ARHGEF33: variants seen among roughly 807,000 people sequenced by gnomAD.
The protein encoded by ARHGEF33 is Rho guanine nucleotide exchange factor 33, also known as DH and coiled-coil domain-containing protein ENSP00000381780.
A neutral mutation model predicts 101.9 loss-of-function variants in ARHGEF33; 72 were observed. That is an observed-to-expected ratio of 0.71 (90% CI 0.58 to 0.86). The LOEUF is 0.86. Among genes scored for constraint, ARHGEF33 ranks in the 40% least tolerant of loss-of-function variants. ARHGEF33 has a pLI of 0.00. For missense variants in ARHGEF33, 1,169 were observed against 1,111.3 expected (o/e 1.05, Z -0.74); for synonymous variants, 499 against 442.5 (o/e 1.13, Z -1.60).
intron 2 of ARHGEF33, among the ~76,000 whole-genome samples, chr2:38,900,689 T>A (rs1558422586): frequency 6.6e-6 from 1 of 152,116 alleles, no homozygotes; most frequent in African/African-American, 2.4e-5. Context: ...CCATAGGATA[T>A]GGGGAGGTGT....
chr2:38,938,330 T>C (rs1667207534), intron 9 of ARHGEF33, among the ~76,000 whole-genome samples: 6 of 151,838 alleles, frequency 4.0e-5, no homozygotes, highest in Admixed American at 3.9e-4. Flanking sequence ...GGCCCAGGAG[T>C]TGGAACCAGC....
At chr2:38,921,258 T>G (rs1666749557) in intron 3 of ARHGEF33, 116 bp from the exon 4 acceptor site, 2 of 679,686 alleles carry the variant, frequency 2.9e-6, no homozygotes, top group Non-Finnish European at 5.3e-6. Flanking sequence ...CATTGGTTTC[T>G]TGTCGTGCGG....
intron 12 of ARHGEF33, among the ~76,000 whole-genome samples, chr2:38,953,649 A>G (rs1048145702): frequency 2.0e-5 from 3 of 152,188 alleles, no homozygotes; most frequent in African/African-American, 7.2e-5. Flanking sequence ...ATGTTGCTTG[A>G]AGTATTGCTA....
intron 17 of ARHGEF33, among the ~76,000 whole-genome samples, chr2:38,970,624 C>G (rs938803306): frequency 1.6e-4 from 25 of 152,200 alleles, no homozygotes; most frequent in African/African-American, 5.3e-4. Context: ...CTTCAATGTA[C>G]TAGGTTCTGT....
At chr2:38,959,628 CAA>C in intron 15 of ARHGEF33, 1 of 524,824 alleles carries the variant, frequency 1.9e-6, no homozygotes, top group East Asian at 3.1e-5. Context: ...GAAGCTCAGA[CAA>C]TACCTTCGGG....
At chr2:38,890,485 T>C (rs1046490433) in intron 1 of ARHGEF33, among the ~76,000 whole-genome samples, 2 of 152,204 alleles carry the variant, frequency 1.3e-5, no homozygotes, top group South Asian at 2.1e-4. Context: ...CATATCCTGA[T>C]TGAAAATGTG....
chr2:38,958,826 C>A (rs2124421366), intron 15 of ARHGEF33, among the ~76,000 whole-genome samples: 1 of 152,282 alleles, frequency 6.6e-6, no homozygotes, highest in South Asian at 2.1e-4. Context: ...GGATTACAGG[C>A]ACCTGCCACC....
chr2:38,939,594 T>A (rs534924584), intron 9 of ARHGEF33, among the ~76,000 whole-genome samples: 36 of 152,214 alleles, frequency 2.4e-4, no homozygotes, highest in Non-Finnish European at 4.3e-4. Flanking sequence ...GTATTAAGTA[T>A]GTTTTTATAT....
chr2:38,960,160 G>A lies in ARHGEF33; in HGVS notation c.1855G>A (p.Gly619Ser). 2 of 1,542,196 alleles carry A rather than the reference G, an allele frequency of 1.3e-6. No homozygotes were observed. Among genetic ancestry groups the A allele is most frequent in the Non-Finnish European group, 8.7e-7 (1 of 1,144,714 alleles). ...CGCGGCCTACGAAGAGTTCGAGTAC[G>A]GCGGCGAGATCTTCGCGCTGCCCGC... ...VPAAYEEFEY[G>S]GEIFALPAPY... The change falls in exon 16 of 18, where the codon GGC (glycine) becomes AGC (serine). Residue 619 changes from glycine to serine, a missense_variant. Physicochemically the swap from Gly to Ser is moderately conservative, Grantham distance 56 (BLOSUM62 0). Transcript: ENST00000409978.
intron 2 of ARHGEF33, among the ~76,000 whole-genome samples, chr2:38,896,913 C>T (rs1666134425): frequency 6.6e-6 from 1 of 152,002 alleles, no homozygotes. Context: ...GCCCGGCATA[C>T]TTTTCTTTTT....
At chr2:38,950,897 G>C in intron 10 of ARHGEF33, 92 bp from the exon 11 acceptor site, 1 of 1,240,870 alleles carries the variant, frequency 8.1e-7, no homozygotes, top group Non-Finnish European at 1.1e-6. Context: ...ATGTTGGATG[G>C]CTGGGAGAAT....
Position 38,960,152 on chromosome 2 carries a change from T to G in ARHGEF33, c.1847T>G (p.Phe616Cys), listed in dbSNP as rs1667880477. 3.9e-6 allele frequency: 6 copies of G among 1,542,840 alleles called. No homozygotes were observed. Among genetic ancestry groups the G allele is most frequent in the East Asian group, 2.5e-5 (1 of 40,772 alleles). The change falls in exon 16 of 18, where the codon TTC becomes TGC. Residue 616 changes from phenylalanine (F) to cysteine (C), a missense_variant. Physicochemically the swap from Phe to Cys is radical, Grantham distance 205. Coordinates refer to ENST00000409978, the MANE Select transcript of ARHGEF33 (RefSeq NM_001145451.5). ...TTCGTGCCCGCGGCCTACGAAGAGT[T>G]CGAGTACGGCGGCGAGATCTTCGCG... is the stretch of plus-strand genomic sequence containing the variant. ...RGFVPAAYEE[F>C]EYGGEIFALP...
chr2:38,938,329 G>A (rs1033300026), intron 9 of ARHGEF33, among the ~76,000 whole-genome samples: 1 of 152,080 alleles, frequency 6.6e-6, no homozygotes, highest in Non-Finnish European at 1.5e-5. Flanking sequence ...GGGCCCAGGA[G>A]TTGGAACCAG....
rs936658855 is a variant in ARHGEF33, at chr2:38,974,832, TA to T, written c.*990del. The T allele has an allele frequency of 3.9e-5, 6 of 152,242 alleles. No homozygotes were observed. Among genetic ancestry groups the T allele is most frequent in the Non-Finnish European group, 7.3e-5 (5 of 68,044 alleles). 9.4% of individuals were successfully genotyped at this position (152,242 alleles called of 1,614,324 possible). On this transcript the variant is annotated 3_prime_UTR_variant, in exon 18 of 18. Transcript: ENST00000409978. ...GGATTGCAGCACTTGACTGTTTTCC[TA>T]TTTTGTAAAGAAACCAAGCTCTTAA... is the stretch of plus-strand genomic sequence containing the variant.
intron 1 of ARHGEF33, among the ~76,000 whole-genome samples, chr2:38,894,487 AAAACAAAC>A (rs147889081): frequency 1.3e-5 from 2 of 152,068 alleles, no homozygotes; most frequent in Non-Finnish European, 1.5e-5. Context: ...TCTTACATTA[AAAACAAAC>A]AAACAAACAA....
chr2:38,931,967 A>G (rs553437273), intron 7 of ARHGEF33, among the ~76,000 whole-genome samples: 2 of 152,276 alleles, frequency 1.3e-5, no homozygotes, highest in South Asian at 4.1e-4. Flanking sequence ...TGTGTCAAAG[A>G]CAGGGTTGGT....
intron 9 of ARHGEF33, among the ~76,000 whole-genome samples, chr2:38,941,431 C>CT (rs1457024689): frequency 2.5e-4 from 38 of 152,256 alleles, no homozygotes; most frequent in African/African-American, 8.9e-4. Flanking sequence ...AATAAGACAT[C>CT]TTTTTTCCTC....
chr2:38,951,427 C>T (rs970009723), intron 11 of ARHGEF33, among the ~76,000 whole-genome samples: 1 of 151,908 alleles, frequency 6.6e-6, no homozygotes, highest in Non-Finnish European at 1.5e-5. Context: ...ATACGCATGT[C>T]GATGTGTGTA....
At chr2:38,927,151 T>C (rs1302859029) in intron 4 of ARHGEF33, among the ~76,000 whole-genome samples, 1 of 152,222 alleles carries the variant, frequency 6.6e-6, no homozygotes, top group Non-Finnish European at 1.5e-5. Flanking sequence ...GCCCTGCTTT[T>C]TTCCTCAAAA....
Sources: gnomAD v4.1 joint callset for allele counts (sites outside exome capture counted in the v4.1 genomes callset) on GRCh38, gnomAD v4.1.1 for gene constraint, MANE v1.5 for transcripts, NCBI Gene and HGNC (gene_info 2026-07-23, HGNC 2026-07-21) for gene names.